Variants in SYNE1 observed in about 807,000 individuals in gnomAD.
SYNE1 encodes nesprin-1.
SYNE1 carries 616 observed loss-of-function variants against 1,111.0 expected under a neutral mutation model. The ratio of observed to expected loss-of-function variants is 0.55; its 90% CI spans 0.52 to 0.59. The LOEUF (loss-of-function observed/expected upper bound fraction) is 0.59. SYNE1 is among the 20% of genes least tolerant of loss of function. The pLI is 0.00. For missense variants in SYNE1, 10,006 were observed against 10,417.0 expected (o/e 0.96, Z 1.72); for synonymous variants, 3,855 against 3,825.8 (o/e 1.01, Z -0.28).
chr6:152,505,464 T>C, intron 8 of SYNE1, 67 bp from the exon 9 acceptor site: 2 of 1,525,134 alleles, frequency 1.3e-6, no homozygotes, highest in South Asian at 1.1e-5. Context: ...CTTCAAGGCC[T>C]CATGCAAAAT....
chr6:152,189,410 A>C lies in SYNE1; in HGVS notation c.23146-3T>G. 6.2e-7 allele frequency: 1 copy of C among 1,613,932 alleles called. No homozygotes were observed. Among genetic ancestry groups the C allele is most frequent in the Non-Finnish European group, 8.5e-7 (1 of 1,179,914 alleles). ...CTCCCAACTGCATTTTCTAATTCCT[A>C]AATAAAAAAACAAACTTGAATACCC... On this transcript the variant is annotated splice_region_variant and splice_polypyrimidine_tract_variant and intron_variant, in intron 127 of 145. Transcript: ENST00000367255.
intron 3 of SYNE1, among the ~76,000 whole-genome samples, chr6:152,608,797 G>C (rs1021049978): frequency 6.6e-6 from 1 of 152,136 alleles, no homozygotes; most frequent in Non-Finnish European, 1.5e-5. Flanking sequence ...AGCTGGGTGT[G>C]ATGGCACACA....
chr6:152,455,418 G>A lies in SYNE1; in HGVS notation c.2892+8C>T, dbSNP rs374408461. The A allele has an allele frequency of 6.0e-5, 97 of 1,612,900 alleles. No homozygotes were observed. The highest frequency in any genetic ancestry group is 8.0e-5 in the Non-Finnish European group (94 of 1,179,394). On this transcript the variant is annotated splice_region_variant and intron_variant, in intron 24 of 145. Transcript: ENST00000367255. ...TCAGGTCAAGTGTCCCCTAAAGGGT[G>A]GACTCACAGTGTGTCTCCGCAGGAG...
At chr6:152,346,690 G>A (rs1332003796) in intron 73 of SYNE1, among the ~76,000 whole-genome samples, 3 of 152,038 alleles carry the variant, frequency 2.0e-5, no homozygotes, top group South Asian at 4.2e-4. Context: ...GGCGCCTGTA[G>A]TCCCAGCTAC....
intron 131 of SYNE1, 77 bp downstream of exon 131, chr6:152,164,086 C>CA: frequency 6.3e-7 from 1 of 1,592,510 alleles, no homozygotes; most frequent in South Asian, 1.1e-5. Context: ...GGCACCATCT[C>CA]ATGCCCACCC....
intron 33 of SYNE1, 45 bp downstream of exon 33, chr6:152,435,896 A>G: frequency 1.2e-6 from 2 of 1,610,230 alleles, no homozygotes; most frequent in Non-Finnish European, 1.7e-6. Context: ...GATTGTATGA[A>G]ACTTTATCTC....
At chr6:152,632,316 A>C (rs732496) in intron 2 of SYNE1, among the ~76,000 whole-genome samples, 53,196 of 152,100 alleles carry the variant, frequency 0.35, 10,722 homozygotes, top group East Asian at 0.63. Context: ...ATGCAAAAAA[A>C]AGTGGATGCA....
chr6:152,279,147 C>CTTTTTTTT (rs59520598), intron 97 of SYNE1, among the ~76,000 whole-genome samples: 5 of 112,676 alleles, frequency 4.4e-5, no homozygotes, highest in African/African-American at 6.5e-5. Flanking sequence ...CTTTTCTTTT[C>CTTTTTTTT]TTTTTTTTTT....
chr6:152,395,713 G>A (rs1231247277), intron 50 of SYNE1, 42 bp from the exon 51 acceptor site: 1 of 1,606,636 alleles, frequency 6.2e-7, no homozygotes, highest in African/African-American at 1.3e-5. Flanking sequence ...TTACATGCTT[G>A]TTATGATAAA....
chr6:152,176,403 A>G lies in SYNE1; in HGVS notation c.23618T>C (p.Ile7873Thr), dbSNP rs1331488136. The change falls in exon 130 of 146, where the codon ATT becomes ACT. Residue 7873 changes from isoleucine (I) to threonine (T), a missense_variant. Coordinates refer to ENST00000367255, the MANE Select transcript of SYNE1 (RefSeq NM_182961.4). Reference protein sequence around the residue: ...NDRWQHLLDLIAARVKKLKET... With the variant: ...NDRWQHLLDLTAARVKKLKET... ...CTCAGGTCCTCTTTACCTGGCTGCA[A>G]TGAGGTCCAGGAGATGCTGCCACCG... 2.5e-6 allele frequency: 4 copies of G among 1,614,092 alleles called. No homozygotes were observed. Among genetic ancestry groups the G allele is most frequent in the Non-Finnish European group, 3.4e-6 (4 of 1,179,996 alleles).
At position 152,391,313 on chromosome 6, in the gene SYNE1, G is replaced by A; in HGVS notation, c.7968C>T (p.Ser2656=). 6.2e-7 allele frequency: 1 copy of A among 1,614,030 alleles called. No individual in the cohort carries two copies. The highest frequency in any genetic ancestry group is 2.2e-5 in the East Asian group (1 of 44,862). Residue 2656 remains serine, a synonymous_variant, in exon 52 of 146, where the codon AGC becomes AGT. Transcript: ENST00000367255. ...RLACAESTLG[S]KDTLEKRLSQ... is the part of the protein sequence containing the mutation. ...ACAGCCGTTTCTCCAGGGTGTCTTTGCTCCCAAGAGTGCTCTCTGCACAGG... is the reference window on the plus strand; with the variant it reads ...ACAGCCGTTTCTCCAGGGTGTCTTTACTCCCAAGAGTGCTCTCTGCACAGG...
In SYNE1 at chr6:152,430,221, G is replaced by A; in HGVS notation, c.4690-11C>T. On this transcript the variant is annotated splice_polypyrimidine_tract_variant and intron_variant, in intron 35 of 145. Transcript: ENST00000367255. ...CACAGATTGCTGGATCTAAAACATTGGTGCAATATAAAAATAACAGTGGGA... is the reference window on the plus strand; with the variant it reads ...CACAGATTGCTGGATCTAAAACATTAGTGCAATATAAAAATAACAGTGGGA... 6.3e-7 allele frequency: 1 copy of A among 1,584,234 alleles called. No individual in the cohort carries two copies. Among genetic ancestry groups the A allele is most frequent in the East Asian group, 2.3e-5 (1 of 44,280 alleles).
intron 92 of SYNE1, 29 bp from the exon 93 acceptor site, chr6:152,300,810 A>G (rs749996749): frequency 1.2e-6 from 2 of 1,614,202 alleles, no homozygotes; most frequent in South Asian, 2.2e-5. Context: ...CCCAAAGGAC[A>G]TGAAAATCAA....
chr6:152,239,841 C>A (rs141034939), intron 107 of SYNE1, 135 bp from the exon 108 acceptor site: 2 of 923,946 alleles, frequency 2.2e-6, no homozygotes, highest in Admixed American at 4.0e-5. Flanking sequence ...GGTGGATTAC[C>A]TGAGGTCAAG....
chr6:152,132,443 C>T (rs2056002364), intron 143 of SYNE1, among the ~76,000 whole-genome samples: 1 of 152,160 alleles, frequency 6.6e-6, no homozygotes, highest in South Asian at 2.1e-4. Context: ...GAAAATATAG[C>T]TATGATTTTG....
intron 105 of SYNE1, among the ~76,000 whole-genome samples, chr6:152,247,552 G>A (rs896527595): frequency 2.0e-5 from 3 of 151,192 alleles, no homozygotes; most frequent in African/African-American, 4.9e-5. Flanking sequence ...TCTTTAAAAA[G>A]CAGATGAAAT....
intron 106 of SYNE1, 143 bp downstream of exon 106, chr6:152,244,394 T>A (rs1448338720): frequency 2.4e-6 from 3 of 1,233,700 alleles, no homozygotes; most frequent in Non-Finnish European, 3.5e-6. Flanking sequence ...CTTCAGAAAA[T>A]TTTCTAAGAG....
chr6:152,631,152 G>A (rs2099697290), intron 2 of SYNE1, among the ~76,000 whole-genome samples: 1 of 152,218 alleles, frequency 6.6e-6, no homozygotes. Context: ...AGAGGATGGT[G>A]GCTAAGCCAG....
chr6:152,221,477 T>C lies in SYNE1; in HGVS notation c.21605A>G (p.His7202Arg). ...SITNQLLKEC[H>R]PPVTETLTNT... The stretch of plus-strand genomic sequence containing the variant: ...GGTAAGAGTTTCTGTCACGGGTGGG[T>C]GACACTCTTTTAATAATTGGTTGGT... Residue 7202 changes from histidine (H) to arginine (R), a missense_variant, in exon 118 of 146, where the codon CAC (histidine) becomes CGC (arginine). By Grantham distance (29) the His-to-Arg change is conservative. Coordinates refer to ENST00000367255, the MANE Select transcript of SYNE1 (RefSeq NM_182961.4). 1 of 1,613,966 alleles carries C rather than the reference T, an allele frequency of 6.2e-7. No individual in the cohort carries two copies. The highest frequency in any genetic ancestry group is 8.5e-7 in the Non-Finnish European group (1 of 1,179,956).
Sources: allele counts gnomAD v4.1 joint callset (sites outside exome capture counted in the v4.1 genomes callset), GRCh38; gene constraint gnomAD v4.1.1; transcripts MANE v1.5; gene names NCBI Gene and HGNC (gene_info 2026-07-23, HGNC 2026-07-21).